LIPC: variants seen among roughly 807,000 people sequenced by gnomAD.
The protein encoded by LIPC is hepatic triacylglycerol lipase.
A neutral mutation model predicts 50.7 loss-of-function variants in LIPC; 44 were observed. That is an observed-to-expected ratio of 0.87 (90% confidence interval 0.68 to 1.11). LIPC has a LOEUF of 1.11. Among genes scored for constraint, LIPC ranks in the 50% most tolerant of loss-of-function variants. The pLI is 0.00. For missense variants in LIPC, 697 were observed against 648.2 expected (o/e 1.08, Z -0.82); for synonymous variants, 271 against 256.4 (o/e 1.06, Z -0.54).
At chr15:58,443,439 T>G (rs79447951) in intron 1 of LIPC, among the ~76,000 whole-genome samples, 5,906 of 152,220 alleles carry the variant, frequency 0.039, 476 homozygotes, top group East Asian at 0.25. Context: ...AACACAGATG[T>G]GAGCACAAAC....
chr15:58,543,739 C>T (rs966142004), intron 4 of LIPC, among the ~76,000 whole-genome samples: 1 of 152,010 alleles, frequency 6.6e-6, no homozygotes, highest in Non-Finnish European at 1.5e-5. Flanking sequence ...CGGGTTCAAG[C>T]GATTCTCCTG....
chr15:58,547,471 G>A (rs1183112430), intron 5 of LIPC, among the ~76,000 whole-genome samples: 2 of 152,220 alleles, frequency 1.3e-5, no homozygotes, highest in African/African-American at 2.4e-5. Flanking sequence ...AAGGACTGCA[G>A]TGACTAATCT....
chr15:58,555,409 A>G (rs1285172231), intron 6 of LIPC, among the ~76,000 whole-genome samples: 1 of 152,176 alleles, frequency 6.6e-6, no homozygotes, highest in African/African-American at 2.4e-5. Context: ...GTTGAACCAC[A>G]GCTTTTCTTC....
chr15:58,504,438 C>T (rs969125561), intron 1 of LIPC, among the ~76,000 whole-genome samples: 2 of 152,170 alleles, frequency 1.3e-5, no homozygotes, highest in African/African-American at 4.8e-5. Context: ...CCCATTTTGG[C>T]CAGTTCTGTT....
intron 1 of LIPC, among the ~76,000 whole-genome samples, chr15:58,479,953 G>T (rs1891130113): frequency 6.6e-6 from 1 of 152,208 alleles, no homozygotes; most frequent in Non-Finnish European, 1.5e-5. Context: ...AACTATGAAA[G>T]TGCCTCCAAT....
chr15:58,538,287 T>A lies in LIPC; in HGVS notation c.89-46T>A, dbSNP rs769608094. 2.0e-5 allele frequency: 31 copies of A among 1,587,916 alleles called. No individual in the cohort carries two copies. The South Asian group carries it at 3.1e-4, about 16-fold the overall frequency. ...CTTTGAGAAGACGGAGGGCTTCAGA[T>A]GAAGCAGATGCCAGGCTAAGCACCG... On this transcript the variant is annotated intron_variant, in intron 1 of 8. Coordinates refer to ENST00000299022, the MANE Select transcript of LIPC (RefSeq NM_000236.3).
chr15:58,453,234 A>T (rs629700), intron 1 of LIPC, among the ~76,000 whole-genome samples: 15,289 of 152,022 alleles, frequency 0.1, 1,786 homozygotes, highest in East Asian at 0.36. Flanking sequence ...ACAGTCCCAT[A>T]AACTCCTATG....
intron 6 of LIPC, among the ~76,000 whole-genome samples, chr15:58,550,063 G>A (rs1394622221): frequency 6.6e-6 from 1 of 152,154 alleles, no homozygotes; most frequent in East Asian, 1.9e-4. Context: ...TTTCAGATGG[G>A]GAAACCAAGG....
At chr15:58,525,171 A>T (rs1286742481) in intron 1 of LIPC, among the ~76,000 whole-genome samples, 2 of 152,200 alleles carry the variant, frequency 1.3e-5, no homozygotes, top group African/African-American at 4.8e-5. Context: ...TTTAAAGTCC[A>T]TCTTTACCCC....
intron 6 of LIPC, 121 bp from the exon 7 acceptor site, chr15:58,560,743 A>G (rs1894130654): frequency 4.7e-6 from 3 of 641,018 alleles, no homozygotes; most frequent in Non-Finnish European, 8.5e-6. Flanking sequence ...TGTTGTTAAC[A>G]TATTAATATC....
chr15:58,449,173 G>C (rs1168595277), intron 1 of LIPC, among the ~76,000 whole-genome samples: 3 of 152,188 alleles, frequency 2.0e-5, no homozygotes, highest in Admixed American at 6.5e-5. Context: ...ACGCCAGTCT[G>C]CGAGCACCCC....
At chr15:58,491,318 G>A (rs1304867787) in intron 1 of LIPC, among the ~76,000 whole-genome samples, 1 of 152,178 alleles carries the variant, frequency 6.6e-6, no homozygotes, top group East Asian at 1.9e-4. Flanking sequence ...GACAGCAGCA[G>A]GCTTTAATCC....
At chr15:58,439,943 A>G (rs1169724009) in intron 1 of LIPC, among the ~76,000 whole-genome samples, 1 of 152,080 alleles carries the variant, frequency 6.6e-6, no homozygotes, top group East Asian at 1.9e-4. Context: ...GGTGCTTCCT[A>G]CAGAAACAAC....
At chr15:58,464,999 A>C (rs1288369186) in intron 1 of LIPC, among the ~76,000 whole-genome samples, 3 of 152,178 alleles carry the variant, frequency 2.0e-5, no homozygotes, top group Non-Finnish European at 2.9e-5. Flanking sequence ...GGGGGAGCCC[A>C]CCACACAACA....
chr15:58,552,449 GCCTCCTCCTCTCTGC>G (rs1893798163), intron 6 of LIPC, among the ~76,000 whole-genome samples: 1 of 152,074 alleles, frequency 6.6e-6, no homozygotes, highest in Non-Finnish European at 1.5e-5. Context: ...TGCATGTCCC[GCCTCCTCCTCTCTGC>G]CCTCCTTCCA....
intron 1 of LIPC, among the ~76,000 whole-genome samples, chr15:58,536,168 T>C (rs1021110544): frequency 3.9e-5 from 6 of 152,186 alleles, no homozygotes; most frequent in Non-Finnish European, 8.8e-5. Flanking sequence ...ATGAGAAGGC[T>C]TCCTGGAGGC....
chr15:58,555,844 C>A (rs1269578069), intron 6 of LIPC, among the ~76,000 whole-genome samples: 1 of 152,216 alleles, frequency 6.6e-6, no homozygotes, highest in Non-Finnish European at 1.5e-5. Context: ...GCTGCACAGT[C>A]AGGCTCCAGA....
intron 1 of LIPC, among the ~76,000 whole-genome samples, chr15:58,491,314 A>C (rs1891580230): frequency 6.6e-6 from 1 of 152,218 alleles, no homozygotes; most frequent in African/African-American, 2.4e-5. Flanking sequence ...AGCAGACAGC[A>C]GCAGGCTTTA....
intron 1 of LIPC, among the ~76,000 whole-genome samples, chr15:58,433,595 T>C (rs1177368739): frequency 2.6e-5 from 4 of 152,204 alleles, no homozygotes. Flanking sequence ...ACTTCCTTTA[T>C]CCATTCTACT....
Sources: gnomAD v4.1 joint callset for allele counts (sites outside exome capture counted in the v4.1 genomes callset) on GRCh38, gnomAD v4.1.1 for gene constraint, MANE v1.5 for transcripts, NCBI Gene and HGNC (gene_info 2026-07-23, HGNC 2026-07-21) for gene names.